Variants in ATP13A1 observed in about 807,000 individuals in gnomAD.
The protein encoded by ATP13A1 is ATPase 13A1.
In ATP13A1, 55 loss-of-function variants were observed where a neutral mutation model predicts 134.8. That is an observed-to-expected ratio of 0.41 (90% confidence interval 0.33 to 0.51). ATP13A1 has a LOEUF of 0.51. Among genes scored for constraint, ATP13A1 ranks in the 20% least tolerant of loss-of-function variants. The probability of loss-of-function intolerance (pLI) is 0.29; values close to 1 mark genes in which losing one functional copy is unlikely to be tolerated. For synonymous variants in ATP13A1, 775 were observed against 725.1 expected, an observed-to-expected ratio of 1.07 and a Z score of -1.10; for missense variants, 1,389 against 1,652.8, an observed-to-expected ratio of 0.84 and a Z score of 2.77.
rs547369971 is a variant in ATP13A1, at chr19:19,653,304, T to C, written c.2100+480A>G. On this transcript the variant is annotated intron_variant, in intron 15 of 25. Coordinates refer to ENST00000357324, the MANE Select transcript of ATP13A1 (RefSeq NM_020410.3). This position sits in a 1 kb window ranked among gnomAD's most constrained non-coding sequence, Gnocchi z 4.2. ...CCAGGTGCAGGAACGGGGCAGAGCA[T>C]GCAGGCTGTGAGCTGTGGCCTGGGC... 3.2e-5 allele frequency: 6 copies of C among 185,654 alleles called. No individual in the cohort carries two copies. In the East Asian group the frequency reaches 9.3e-4, roughly 29 times the overall value. The allele number at this position is 185,654 out of a possible 1,614,324, so 11.5% of individuals were successfully genotyped here.
chr19:19,654,827 T>C (rs1461237847), intron 12 of ATP13A1, 127 bp from the exon 13 acceptor site: 32 of 1,144,918 alleles, frequency 2.8e-5, no homozygotes, highest in Non-Finnish European at 3.8e-5. Context: ...GGGCGCCAAC[T>C]GGGTCTTTAT....
rs1052855950 is a variant in ATP13A1 at position 19,649,667 on chromosome 19, T to C, written c.2536-4A>G. ...TCAGGCTGGTGATGACAAACTCCTGTATGGGCGGAGACAGGCTGAGCAGGG... is the reference window on the plus strand; with the variant it reads ...TCAGGCTGGTGATGACAAACTCCTGCATGGGCGGAGACAGGCTGAGCAGGG... On this transcript the variant is annotated splice_region_variant and splice_polypyrimidine_tract_variant and intron_variant, in intron 18 of 25. Transcript: ENST00000357324. 4 of 1,613,736 alleles carry C rather than the reference T, an allele frequency of 2.5e-6. No homozygotes were observed. The highest frequency in any genetic ancestry group is 2.7e-5 in the African/African-American group (2 of 74,910).
Position 19,647,990 on chromosome 19 carries a change from A to G in ATP13A1, c.2633-231T>C, listed in dbSNP as rs2061997690. Among the ~76,000 whole-genome samples, 1 of 152,136 alleles carries G rather than the reference A, an allele frequency of 6.6e-6. No homozygotes were observed. Among genetic ancestry groups the G allele is most frequent in the Admixed American group, 6.6e-5 (1 of 15,254 alleles). ...AACAATAAACCCCCACAACAAATGC[A>G]ATGAAAAAACACACAACACGAGATA... On this transcript the variant is annotated intron_variant, in intron 19 of 25. Coordinates refer to ENST00000357324, the MANE Select transcript of ATP13A1 (RefSeq NM_020410.3). This position sits in a 1 kb window ranked among gnomAD's most constrained non-coding sequence, Gnocchi z 4.8.
At chr19:19,654,860 A>G (rs2062047226) in intron 12 of ATP13A1, among the ~76,000 whole-genome samples, 160 bp from the exon 13 acceptor site, 1 of 152,170 alleles carries the variant, frequency 6.6e-6, no homozygotes, top group Admixed American at 6.5e-5. Context: ...TGCTTCACAG[A>G]TGCCCCCAGA....
intron 15 of ATP13A1, chr19:19,652,974 C>G (rs1018048642): frequency 4.0e-5 from 20 of 498,512 alleles, no homozygotes; most frequent in Non-Finnish European, 3.6e-6. Context: ...GACATGGGCA[C>G]ATCACAGAGT....
At chr19:19,657,808 G>A (rs62134462) in intron 3 of ATP13A1, among the ~76,000 whole-genome samples, 2,383 of 152,242 alleles carry the variant, frequency 0.016, 21 homozygotes, top group Non-Finnish European at 0.026. Flanking sequence ...AAGACACTGA[G>A]ACCCAGCCCC....
rs769521754 is a variant in ATP13A1, at chr19:19,646,232, C to T, written c.3221G>A (p.Arg1074His). 7.4e-6 allele frequency: 12 copies of T among 1,613,800 alleles called. No individual in the cohort carries two copies. Among genetic ancestry groups the T allele is most frequent in the South Asian group, 4.4e-5 (4 of 91,078 alleles). The change falls in exon 23 of 26, where the codon CGT becomes CAT. Residue 1074 changes from arginine to histidine, a missense_variant. Coordinates refer to ENST00000357324, the MANE Select transcript of ATP13A1 (RefSeq NM_020410.3). ...VHFLSLVYLY[R>H]EAQARSPEKQ... ...CTCGGGGCTCCGGGCCTGGGCCTCACGGTACAGGTAGACAAGGCTCAGGAA... is the reference window on the plus strand; with the variant it reads ...CTCGGGGCTCCGGGCCTGGGCCTCATGGTACAGGTAGACAAGGCTCAGGAA...
chr19:19,655,356 G>A lies in ATP13A1; in HGVS notation c.1494C>T (p.Ser498=). The change falls in exon 11 of 26, where the codon TCC becomes TCT. Residue 498 remains serine, a synonymous_variant. Coordinates refer to ENST00000357324, the MANE Select transcript of ATP13A1 (RefSeq NM_020410.3). This position sits in a 1 kb window ranked among gnomAD's most constrained non-coding sequence, Gnocchi z 5.7. ...VVPPELPIEL[S]LAVNTSLIAL... ...CGATGAGGGAGGTGTTGACGGCCAG[G>A]GACAGCTCGATGGGCAGCTCAGGAG... 2 of 1,613,994 alleles carry A rather than the reference G, an allele frequency of 1.2e-6. No homozygotes were observed. The highest frequency in any genetic ancestry group is 2.2e-5 in the South Asian group (2 of 91,086).
chr19:19,649,258 C>T (rs2062008393), intron 19 of ATP13A1, among the ~76,000 whole-genome samples: 1 of 152,228 alleles, frequency 6.6e-6, no homozygotes, highest in Non-Finnish European at 1.5e-5. Context: ...CCACAGTGCT[C>T]AGCCATCTGT....
chr19:19,649,619 G>A lies in ATP13A1; in HGVS notation c.2580C>T (p.Leu860=), dbSNP rs1328365542. Residue 860 remains leucine, a synonymous_variant, in exon 19 of 26, where the codon CTC becomes CTT. Transcript: ENST00000357324. ...CGTCGTTGGTGCCATCCCCACACAT[G>A]AGGGTCACGTAGCCCAGCTCCTTCA... ...TSLKELGYVT[L]MCGDGTNDVG... is the part of the protein sequence containing the mutation. 4 of 1,613,816 alleles carry A rather than the reference G, an allele frequency of 2.5e-6. No homozygotes were observed. Among genetic ancestry groups the A allele is most frequent in the Non-Finnish European group, 3.4e-6 (4 of 1,179,860 alleles).
intron 1 of ATP13A1, among the ~76,000 whole-genome samples, chr19:19,661,912 C>T (rs548336198): frequency 1.3e-5 from 2 of 152,342 alleles, no homozygotes; most frequent in Non-Finnish European, 2.9e-5. Context: ...AGAGGCTATA[C>T]GCTGTGATGG....
At chr19:19,658,140 C>T (rs923433727) in intron 3 of ATP13A1, among the ~76,000 whole-genome samples, 24 of 129,012 alleles carry the variant, frequency 1.9e-4, no homozygotes, top group Non-Finnish European at 3.3e-4. Context: ...CAGAGTAAGA[C>T]CCTGTCTCCA....
chr19:19,649,957 G>C lies in ATP13A1; in HGVS notation c.2336-17C>G. On this transcript the variant is annotated splice_polypyrimidine_tract_variant and intron_variant, in intron 17 of 25. Transcript: ENST00000357324. ...ACTGCCGGCCTGCGGGCAGCACCTAGGGTTAGGGCTGGGGGCTTGGCTGAC... is the reference window on the plus strand; with the variant it reads ...ACTGCCGGCCTGCGGGCAGCACCTACGGTTAGGGCTGGGGGCTTGGCTGAC... 1.3e-6 allele frequency: 2 copies of C among 1,571,210 alleles called. No individual in the cohort carries two copies. Among genetic ancestry groups the C allele is most frequent in the Non-Finnish European group, 1.7e-6 (2 of 1,167,224 alleles).
chr19:19,657,249 C>G, intron 4 of ATP13A1, 87 bp downstream of exon 4: 1 of 1,494,048 alleles, frequency 6.7e-7, no homozygotes, highest in Non-Finnish European at 9.0e-7. Context: ...GAGAGGCTTC[C>G]AGGTTTAGAA....
At chr19:19,651,463 A>T (rs1340011027) in intron 17 of ATP13A1, 1 of 445,400 alleles carries the variant, frequency 2.2e-6, no homozygotes, top group African/African-American at 2.0e-5. Flanking sequence ...CTATCGCCTC[A>T]TTATGGTAAA....
At position 19,657,168 on chromosome 19, in the gene ATP13A1, T is replaced by TCTGTC. The variant is rs528902159; in HGVS notation, c.751-24_751-20dup. ...AGAACACCTGTGGGATACCAGCCTGTCTGTCCTTGCCCTACCCGCCCTGTT... is the reference window on the plus strand; with the variant it reads ...AGAACACCTGTGGGATACCAGCCTGTCTGTCCTGTCCTTGCCCTACCCGCCCTGTT... On this transcript the variant is annotated intron_variant, in intron 4 of 25. Coordinates refer to ENST00000357324, the MANE Select transcript of ATP13A1 (RefSeq NM_020410.3). 4,474 of 1,499,340 alleles carry TCTGTC rather than the reference T, an allele frequency of 3.0e-3. 12 individuals are homozygous for TCTGTC. The highest frequency in any genetic ancestry group is 3.5e-3 in the Non-Finnish European group (3,951 of 1,124,870). 92.9% of individuals were successfully genotyped at this position (1,499,340 alleles called of 1,614,324 possible). A position where few individuals can be genotyped will look rare whatever the true frequency, so the allele number is the denominator to read the frequency against.
At chr19:19,649,442 C>T (rs1428754330) in intron 19 of ATP13A1, 125 bp downstream of exon 19, 2 of 1,026,448 alleles carry the variant, frequency 1.9e-6, no homozygotes, top group Non-Finnish European at 2.9e-6. Context: ...TTGCCACCCC[C>T]TCCCATCCTC....
In ATP13A1 at chr19:19,656,124, C is replaced by T; in HGVS notation, c.1143G>A (p.Leu381=). Reference sequence around the variant, plus strand: ...CCTTGGTGCCCCCGAAGATGACGTGCAGCCGGGAATCAGCCTGGAGGTCCA... The same window carrying T: ...CCTTGGTGCCCCCGAAGATGACGTGTAGCCGGGAATCAGCCTGGAGGTCCA... The part of the protein sequence containing the change: ...RVLDLQADSR[L]HVIFGGTKVV... The change falls in exon 8 of 26, where the codon CTG becomes CTA. Residue 381 remains leucine, a synonymous_variant. Coordinates refer to ENST00000357324, the MANE Select transcript of ATP13A1 (RefSeq NM_020410.3). The surrounding 1 kb of genome is among the most constrained non-coding windows in gnomAD (Gnocchi z 4.6). 1 of 1,613,740 alleles carries T rather than the reference C, an allele frequency of 6.2e-7. No homozygotes were observed. Among genetic ancestry groups the T allele is most frequent in the Non-Finnish European group, 8.5e-7 (1 of 1,179,764 alleles).
In ATP13A1 at chr19:19,653,083, C is replaced by T. The variant is rs148347995; in HGVS notation, c.2101-363G>A. 2,144 of 253,952 alleles carry T rather than the reference C, an allele frequency of 8.4e-3. 21 individuals carry two copies. The highest frequency in any genetic ancestry group is 0.014 in the Admixed American group (273 of 19,858). The allele number at this position is 253,952 out of a possible 1,614,324, so 15.7% of individuals were successfully genotyped here. A position where few individuals can be genotyped will look rare whatever the true frequency, so the allele number is the denominator to read the frequency against. The stretch of plus-strand genomic sequence containing the variant: ...TACTCACTGGGGCTCCACCACATAC[C>T]ACAGACTGGGCACAGACCCCTGGCC... On this transcript the variant is annotated intron_variant, in intron 15 of 25. Transcript: ENST00000357324. The surrounding 1 kb of genome is among the most constrained non-coding windows in gnomAD (Gnocchi z 4.2).
Sources: allele counts gnomAD v4.1 joint callset (sites outside exome capture counted in the v4.1 genomes callset), GRCh38; gene constraint gnomAD v4.1.1; non-coding constraint Gnocchi (gnomAD v3.1); transcripts MANE v1.5; gene names NCBI Gene and HGNC (gene_info 2026-07-23, HGNC 2026-07-21).